NHEJ1: variants seen among roughly 807,000 people sequenced by gnomAD.
NHEJ1 encodes non-homologous end-joining factor 1.
Under a neutral mutation model 39.4 loss-of-function variants are expected in NHEJ1, and 22 were observed. The observed-to-expected ratio is 0.56, with a 90% CI of 0.40 to 0.80. The LOEUF (loss-of-function observed/expected upper bound fraction) is 0.80, where lower values mean the gene tolerates loss of function less well. NHEJ1 is among the 30% of genes least tolerant of loss of function. The pLI is 0.00. For missense variants in NHEJ1, 329 were observed against 357.1 expected (o/e 0.92, Z 0.63); for synonymous variants, 154 against 135.6 (o/e 1.14, Z -0.94).
intron 5 of NHEJ1, among the ~76,000 whole-genome samples, chr2:219,132,012 G>A (rs1356660967): frequency 6.6e-6 from 1 of 152,210 alleles, no homozygotes; most frequent in Non-Finnish European, 1.5e-5. Flanking sequence ...TGTCTATGTA[G>A]AGTTATTTTA....
Position 219,074,041 on chromosome 2 carries a change from G to T in NHEJ1, c.*2340C>A, listed in dbSNP as rs968963655. On this transcript the variant is annotated 3_prime_UTR_variant, in exon 8 of 8. Coordinates refer to ENST00000356853, the MANE Select transcript of NHEJ1 (RefSeq NM_024782.3). ...TCTCAACCACTACCCCTAGCTTTGCGGGGTAAGGGCTTCGGGGCAAGAATG... is the reference window on the plus strand; with the variant it reads ...TCTCAACCACTACCCCTAGCTTTGCTGGGTAAGGGCTTCGGGGCAAGAATG... Among the ~76,000 whole-genome samples, 2 of 152,212 alleles carry T rather than the reference G, an allele frequency of 1.3e-5. No homozygotes were observed. Among genetic ancestry groups the T allele is most frequent in the Non-Finnish European group, 1.5e-5 (1 of 68,046 alleles).
chr2:219,159,436 A>G (rs546464121), intron 1 of NHEJ1: 3 of 151,204 alleles, frequency 2.0e-5, no homozygotes, highest in African/African-American at 7.3e-5. Flanking sequence ...TAAATAATGA[A>G]ATTCCTTATT....
At chr2:219,120,072 T>C (rs942126768) in intron 5 of NHEJ1, among the ~76,000 whole-genome samples, 1 of 152,200 alleles carries the variant, frequency 6.6e-6, no homozygotes, top group Admixed American at 6.5e-5. Flanking sequence ...CAAACACTAA[T>C]GAACGCAGTA....
At chr2:219,108,740 T>C (rs989491088) in intron 5 of NHEJ1, among the ~76,000 whole-genome samples, 1 of 152,006 alleles carries the variant, frequency 6.6e-6, no homozygotes, top group Admixed American at 6.6e-5. Context: ...GTTTTCCCCC[T>C]AGAGATACAG....
chr2:219,088,878 T>C (rs990587532), intron 5 of NHEJ1, among the ~76,000 whole-genome samples: 1 of 152,218 alleles, frequency 6.6e-6, no homozygotes, highest in African/African-American at 2.4e-5. Context: ...GGTGGCGTGA[T>C]CTCAGCTCAC....
chr2:219,140,090 A>G (rs941273950), intron 5 of NHEJ1, among the ~76,000 whole-genome samples: 1 of 152,264 alleles, frequency 6.6e-6, no homozygotes, highest in Non-Finnish European at 1.5e-5. Context: ...AAGAAAGAAC[A>G]TTCCAGGCAG....
intron 1 of NHEJ1, chr2:219,158,814 G>A: frequency 5.7e-6 from 1 of 176,766 alleles, no homozygotes; most frequent in East Asian, 1.4e-4. Context: ...ATAGTGTCAG[G>A]GCCAGGAAAT....
In NHEJ1 at chr2:219,115,817, T is replaced by A. The variant is rs1453006395; in HGVS notation, c.588+30863A>T. The stretch of plus-strand genomic sequence containing the variant: ...ACAGAGACCCCATAAGAAAAAGATG[T>A]TATCACATCAAATATAATTCCTGGC... On this transcript the variant is annotated intron_variant, in intron 5 of 7. Transcript: ENST00000356853. Among the ~76,000 whole-genome samples, 3 of 152,256 alleles carry A rather than the reference T, an allele frequency of 2.0e-5. No homozygotes were observed. The East Asian group carries it at 5.8e-4, about 29-fold the overall frequency.
At chr2:219,143,620 C>T (rs1342236162) in intron 5 of NHEJ1, among the ~76,000 whole-genome samples, 1 of 152,196 alleles carries the variant, frequency 6.6e-6, no homozygotes, top group Non-Finnish European at 1.5e-5. Flanking sequence ...CTACAACTAC[C>T]TATCTCTCAC....
chr2:219,145,327 G>A (rs1284654955), intron 5 of NHEJ1, among the ~76,000 whole-genome samples: 1 of 152,198 alleles, frequency 6.6e-6, no homozygotes, highest in African/African-American at 2.4e-5. Context: ...AATTGCTTCA[G>A]TACCTGGACT....
rs1280973640 is a variant in NHEJ1, at chr2:219,074,059, C to T, written c.*2322G>A. On this transcript the variant is annotated 3_prime_UTR_variant, in exon 8 of 8. Transcript: ENST00000356853. Reference sequence around the variant, plus strand: ...GCTTTGCGGGGTAAGGGCTTCGGGGCAAGAATGCCTGTGGCAGGGCCTCTG... The same window carrying T: ...GCTTTGCGGGGTAAGGGCTTCGGGGTAAGAATGCCTGTGGCAGGGCCTCTG... Among the ~76,000 whole-genome samples, 1 of 152,212 alleles carries T rather than the reference C, an allele frequency of 6.6e-6. No individual in the cohort carries two copies. Among genetic ancestry groups the T allele is most frequent in the Non-Finnish European group, 1.5e-5 (1 of 68,048 alleles).
rs1293576130 is a variant in NHEJ1 at position 219,074,454 on chromosome 2, G to A, written c.*1927C>T. Reference sequence around the variant, plus strand: ...TATCTAAATTATGCTGAAAAGAAACGAAAGATCGGCCAGGCACAGTGGCTC... The same window carrying A: ...TATCTAAATTATGCTGAAAAGAAACAAAAGATCGGCCAGGCACAGTGGCTC... On this transcript the variant is annotated 3_prime_UTR_variant, in exon 8 of 8. Coordinates refer to ENST00000356853, the MANE Select transcript of NHEJ1 (RefSeq NM_024782.3). Among the ~76,000 whole-genome samples the A allele has an allele frequency of 6.6e-6, 1 of 152,066 alleles. No homozygotes were observed. Among genetic ancestry groups the A allele is most frequent in the African/African-American group, 2.4e-5 (1 of 41,400 alleles).
At chr2:219,093,195 C>T (rs1234950451) in intron 5 of NHEJ1, among the ~76,000 whole-genome samples, 2 of 152,068 alleles carry the variant, frequency 1.3e-5, no homozygotes, top group African/African-American at 2.4e-5. Flanking sequence ...GTACCACTGT[C>T]GAATACCTTA....
At chr2:219,093,896 T>A (rs775732978) in intron 5 of NHEJ1, among the ~76,000 whole-genome samples, 1 of 152,170 alleles carries the variant, frequency 6.6e-6, no homozygotes, top group African/African-American at 2.4e-5. Context: ...ACGGAACGTG[T>A]GTGGAGGAAA....
At chr2:219,094,061 G>A (rs985542249) in intron 5 of NHEJ1, among the ~76,000 whole-genome samples, 5 of 152,180 alleles carry the variant, frequency 3.3e-5, no homozygotes, top group South Asian at 2.1e-4. Flanking sequence ...TGAGGAAGTC[G>A]AAGGGACAGA....
chr2:219,108,087 A>AC (rs1241934063), intron 5 of NHEJ1, among the ~76,000 whole-genome samples: 1 of 151,506 alleles, frequency 6.6e-6, no homozygotes, highest in East Asian at 1.9e-4. Context: ...CCCCGAGCCA[A>AC]CCCCCACACC....
At chr2:219,122,423 G>A (rs1949480392) in intron 5 of NHEJ1, among the ~76,000 whole-genome samples, 2 of 152,288 alleles carry the variant, frequency 1.3e-5, no homozygotes, top group African/African-American at 2.4e-5. Context: ...CAGGAATCAT[G>A]TTAGTTATCT....
At chr2:219,129,576 A>G (rs1949556895) in intron 5 of NHEJ1, among the ~76,000 whole-genome samples, 1 of 152,148 alleles carries the variant, frequency 6.6e-6, no homozygotes, top group African/African-American at 2.4e-5. Context: ...ATGAAGACTA[A>G]TTTGTCCTGT....
chr2:219,111,628 G>GACACACACACACACAC lies in NHEJ1; in HGVS notation c.589-33438_589-33423dup, dbSNP rs368706049. ...GAATTAAGTCTACAGTGTGAATACA[G>GACACACACACACACAC]ACACACACACACACACACACACACA... On this transcript the variant is annotated intron_variant, in intron 5 of 7. Coordinates refer to ENST00000356853, the MANE Select transcript of NHEJ1 (RefSeq NM_024782.3). This position sits in a 1 kb window ranked among gnomAD's most constrained non-coding sequence, Gnocchi z 4.1. Among the ~76,000 whole-genome samples the GACACACACACACACAC allele has an allele frequency of 6.8e-3, 943 of 138,372 alleles. 5 individuals carry two copies. Among genetic ancestry groups the GACACACACACACACAC allele is most frequent in the East Asian group, 0.012 (58 of 4,724 alleles). The allele number at this position is 138,372 out of a possible 152,430, so 90.8% of individuals were successfully genotyped here. A position where few individuals can be genotyped will look rare whatever the true frequency, so the allele number is the denominator to read the frequency against.
Sources: gnomAD v4.1 joint callset for allele counts (sites outside exome capture counted in the v4.1 genomes callset) on GRCh38, gnomAD v4.1.1 for gene constraint, Gnocchi (gnomAD v3.1) non-coding constraint, MANE v1.5 for transcripts, NCBI Gene and HGNC (gene_info 2026-07-23, HGNC 2026-07-21) for gene names.